The following ART3 variants were observed in gnomAD, a reference collection of about 807,000 sequenced individuals.
The protein encoded by ART3 is ecto-ADP-ribosyltransferase 3.
In ART3, 49 loss-of-function variants were observed where a neutral mutation model predicts 48.5. That is an observed-to-expected ratio of 1.01 (90% CI 0.80 to 1.28). The LOEUF (loss-of-function observed/expected upper bound fraction) is 1.28. ART3 is among the 50% of genes most tolerant of loss of function. The pLI is 0.00. For synonymous variants in ART3, 145 were observed against 157.2 expected (o/e 0.92, Z 0.58); for missense variants, 438 against 454.3 (o/e 0.96, Z 0.33).
chr4:76,054,203 A>C (rs1718455619), intron 1 of ART3, among the ~76,000 whole-genome samples: 1 of 152,234 alleles, frequency 6.6e-6, no homozygotes, highest in Non-Finnish European at 1.5e-5. Context: ...TGGAAAGAGA[A>C]TAAATGCACA....
chr4:76,039,326 CT>C (rs1734738313), intron 1 of ART3, among the ~76,000 whole-genome samples: 1 of 152,102 alleles, frequency 6.6e-6, no homozygotes, highest in Non-Finnish European at 1.5e-5. Context: ...TCTCAGACCC[CT>C]TTTTCATAGG....
intron 3 of ART3, among the ~76,000 whole-genome samples, chr4:76,085,464 G>A (rs1723348976): frequency 6.6e-6 from 1 of 152,134 alleles, no homozygotes; most frequent in African/African-American, 2.4e-5. Context: ...GGCTGTACCT[G>A]CACTTGTATA....
At chr4:76,072,066 G>A (rs987081693), upstream of ART3, among the ~76,000 whole-genome samples, 4 of 152,096 alleles carry the variant, frequency 2.6e-5, no homozygotes, top group African/African-American at 9.7e-5. Flanking sequence ...ACCGACATGT[G>A]CCACTGCACC....
At chr4:76,101,242 C>G (rs1048748376) in intron 8 of ART3, among the ~76,000 whole-genome samples, 1 of 152,172 alleles carries the variant, frequency 6.6e-6, no homozygotes, top group African/African-American at 2.4e-5. Context: ...TTTAGGTCAT[C>G]CCACCAAATA....
chr4:76,049,045 G>T (rs1735781358), intron 1 of ART3, among the ~76,000 whole-genome samples: 1 of 151,954 alleles, frequency 6.6e-6, no homozygotes, highest in East Asian at 1.9e-4. Context: ...CCTAGCTTCA[G>T]GAATAGCTTT....
chr4:76,092,298 G>C (rs535226850), intron 3 of ART3, among the ~76,000 whole-genome samples: 2 of 152,172 alleles, frequency 1.3e-5, no homozygotes, highest in Non-Finnish European at 2.9e-5. Context: ...ATAGTGTTCA[G>C]TGTGTAAGGC....
At chr4:76,020,867 G>T (rs754619848) in intron 1 of ART3, among the ~76,000 whole-genome samples, 4 of 151,666 alleles carry the variant, frequency 2.6e-5, no homozygotes, top group Non-Finnish European at 4.4e-5. Context: ...AAAAATAAGA[G>T]ATTAAAAAAA....
At chr4:76,064,815 G>A (rs910464638) in intron 1 of ART3, among the ~76,000 whole-genome samples, 1 of 148,566 alleles carries the variant, frequency 6.7e-6, no homozygotes, top group Non-Finnish European at 1.5e-5. Flanking sequence ...AGAAAGATGG[G>A]AGTTGGAATA....
At chr4:76,089,314 G>A (rs113783412) in intron 3 of ART3, among the ~76,000 whole-genome samples, 5 of 152,134 alleles carry the variant, frequency 3.3e-5, no homozygotes, top group African/African-American at 1.2e-4. Flanking sequence ...CTCATGTTCA[G>A]TTGTAATCTC....
intron 1 of ART3, chr4:76,033,610 T>C (rs1224488608): frequency 1.3e-5 from 2 of 152,276 alleles, no homozygotes; most frequent in Non-Finnish European, 2.9e-5. Context: ...TGATGACGGA[T>C]AGGTGTATGT....
chr4:76,073,885 C>T (rs556497411), upstream of ART3, among the ~76,000 whole-genome samples: 1 of 152,172 alleles, frequency 6.6e-6, no homozygotes, highest in South Asian at 2.1e-4. Context: ...AGAGTTTGTT[C>T]GTTTTCATTG....
At chr4:76,087,179 T>C (rs1411364022) in intron 3 of ART3, among the ~76,000 whole-genome samples, 2 of 152,144 alleles carry the variant, frequency 1.3e-5, no homozygotes, top group African/African-American at 2.4e-5. Context: ...GACTCCATGT[T>C]TGTGAGTGGG....
At chr4:76,099,788 T>C (rs1726856608) in intron 5 of ART3, among the ~76,000 whole-genome samples, 1 of 152,258 alleles carries the variant, frequency 6.6e-6, no homozygotes, top group East Asian at 1.9e-4. Context: ...AAGTTCCTTA[T>C]CATGTGTTTG....
At chr4:76,058,593 C>T (rs955647574) in intron 1 of ART3, 1 of 151,738 alleles carries the variant, frequency 6.6e-6, no homozygotes, top group African/African-American at 2.4e-5. Flanking sequence ...GTTTCTTAGG[C>T]CAAAAAGAAA....
At chr4:76,028,521 A>C (rs1733612226) in intron 1 of ART3, among the ~76,000 whole-genome samples, 1 of 152,246 alleles carries the variant, frequency 6.6e-6, no homozygotes, top group Non-Finnish European at 1.5e-5. Flanking sequence ...GAAGGCAAAA[A>C]TGCTTTCCCG....
chr4:76,108,011 G>T (rs1728803190), intron 11 of ART3, among the ~76,000 whole-genome samples: 1 of 151,562 alleles, frequency 6.6e-6, no homozygotes, highest in Admixed American at 6.6e-5. Flanking sequence ...ATTGTATCTA[G>T]AGTTTCTACT....
intron 1 of ART3, among the ~76,000 whole-genome samples, chr4:76,016,134 G>C (rs1298065285): frequency 6.6e-6 from 1 of 152,114 alleles, no homozygotes; most frequent in Non-Finnish European, 1.5e-5. Flanking sequence ...TGCTATTCTA[G>C]GTTAAACATG....
chr4:76,100,218 T>C (rs914638430), intron 5 of ART3, 73 bp from the exon 6 acceptor site: 2 of 1,436,872 alleles, frequency 1.4e-6, no homozygotes, highest in Non-Finnish European at 1.9e-6. Context: ...AAAATAATTT[T>C]GCTGTAGCAA....
At chr4:76,038,254 T>C (rs1734625519) in intron 1 of ART3, among the ~76,000 whole-genome samples, 2 of 152,210 alleles carry the variant, frequency 1.3e-5, no homozygotes, top group African/African-American at 4.8e-5. Context: ...CAGAATATTG[T>C]TGTAATTATT....
Sources: gnomAD v4.1 joint callset for allele counts (sites outside exome capture counted in the v4.1 genomes callset) on GRCh38, gnomAD v4.1.1 for gene constraint, MANE v1.5 for transcripts, NCBI Gene and HGNC (gene_info 2026-07-23, HGNC 2026-07-21) for gene names.